Variants in TOGARAM1 observed in about 807,000 individuals in gnomAD.
The protein encoded by TOGARAM1 is TOG array regulator of axonemal microtubules protein 1.
A neutral mutation model predicts 166.6 loss-of-function variants in TOGARAM1; 100 were observed. The ratio of observed to expected loss-of-function variants is 0.60; its 90% CI spans 0.51 to 0.71. The LOEUF (loss-of-function observed/expected upper bound fraction) is 0.71, where lower values mean the gene tolerates loss of function less well. Among genes scored for constraint, TOGARAM1 ranks in the 30% least tolerant of loss-of-function variants. The pLI, the probability that TOGARAM1 is intolerant of heterozygous loss-of-function variation, is 0.00. For synonymous variants in TOGARAM1, 758 were observed against 763.8 expected, an observed-to-expected ratio of 0.99 and a Z score of 0.13; for missense variants, 2,029 against 2,102.7, an observed-to-expected ratio of 0.96 and a Z score of 0.69.
intron 1 of TOGARAM1, among the ~76,000 whole-genome samples, chr14:44,994,448 TCA>T (rs1175757148): frequency 6.6e-6 from 1 of 152,102 alleles, no homozygotes. Flanking sequence ...AGACAGGGTC[TCA>T]GTCAGTCACT....
chr14:45,064,867 A>C (rs934167922), intron 16 of TOGARAM1, among the ~76,000 whole-genome samples: 7 of 151,900 alleles, frequency 4.6e-5, no homozygotes, highest in African/African-American at 9.7e-5. Flanking sequence ...GCTTGGTATA[A>C]GATTGATTGA....
chr14:45,045,585 G>A (rs11628422), intron 13 of TOGARAM1, among the ~76,000 whole-genome samples: 3,380 of 22,860 alleles, frequency 0.15, 90 homozygotes, highest in African/African-American at 0.2. Context: ...ATATATATAT[G>A]TGTGTGTGTG....
chr14:44,972,998 C>A (rs1885972601), intron 1 of TOGARAM1, among the ~76,000 whole-genome samples: 1 of 151,972 alleles, frequency 6.6e-6, no homozygotes, highest in Admixed American at 6.6e-5. Flanking sequence ...TAAGTGAGAA[C>A]TTACTGAACT....
At position 45,043,683 on chromosome 14, in the gene TOGARAM1, T is replaced by C. The variant is rs781706002; in HGVS notation, c.3813-3T>C. 3 of 1,526,236 alleles carry C rather than the reference T, an allele frequency of 2.0e-6. No homozygotes were observed. The highest frequency in any genetic ancestry group is 1.4e-5 in the African/African-American group (1 of 73,298). The allele number at this position is 1,526,236 out of a possible 1,614,324, so 94.5% of individuals were successfully genotyped here. ...ATGATCTTGTCATTTCTTTTTCTCATAGGGAGAAGAAAATTGAGGGACTGA... is the reference window on the plus strand; with the variant it reads ...ATGATCTTGTCATTTCTTTTTCTCACAGGGAGAAGAAAATTGAGGGACTGA... On this transcript the variant is annotated splice_region_variant and splice_polypyrimidine_tract_variant and intron_variant, in intron 11 of 19. Transcript: ENST00000361462.
rs1324748476 is a variant in TOGARAM1 at position 45,009,095 on chromosome 14, A to T, written c.3087A>T (p.Gln1029His). 6.2e-7 allele frequency: 1 copy of T among 1,614,076 alleles called. No individual in the cohort carries two copies. The highest frequency in any genetic ancestry group is 8.5e-7 in the Non-Finnish European group (1 of 1,179,978). ...NSYSESGVYS[Q>H]ESLTSSLSTT... is the part of the protein sequence containing the mutation. Reference sequence around the variant, plus strand: ...ACAGTGAAAGTGGAGTTTACAGCCAAGAATCATTGACTTCTTCTCTGTCTA... The same window carrying T: ...ACAGTGAAAGTGGAGTTTACAGCCATGAATCATTGACTTCTTCTCTGTCTA... The change falls in exon 6 of 20, where the codon CAA becomes CAT. Residue 1029 changes from glutamine (Q) to histidine (H), a missense_variant. Around this residue, in one of 2 missense-constraint regions of TOGARAM1, gnomAD observed 1,453 missense variants for 1,432.2 expected, o/e 1.01. Transcript: ENST00000361462.
At chr14:45,028,552 G>A (rs1466271260) in intron 10 of TOGARAM1, among the ~76,000 whole-genome samples, 1 of 152,100 alleles carries the variant, frequency 6.6e-6, no homozygotes, top group African/African-American at 2.4e-5. Context: ...TTATCTCAAG[G>A]ATCTCTTCTA....
intron 3 of TOGARAM1, among the ~76,000 whole-genome samples, chr14:45,002,464 C>T (rs1480735655): frequency 1.3e-5 from 2 of 152,132 alleles, no homozygotes; most frequent in East Asian, 3.9e-4. Context: ...TAACTTAATA[C>T]TTGGTTATAC....
intron 14 of TOGARAM1, 126 bp downstream of exon 14, chr14:45,046,829 G>C (rs925637325): frequency 1.3e-6 from 1 of 749,372 alleles, no homozygotes; most frequent in Admixed American, 4.3e-5. Context: ...GATTGGTGCT[G>C]GGGGATGGTC....
At chr14:45,030,323 A>G (rs931959289) in intron 10 of TOGARAM1, among the ~76,000 whole-genome samples, 4 of 152,266 alleles carry the variant, frequency 2.6e-5, no homozygotes, top group Middle Eastern at 3.4e-3. Context: ...TTGTTTCATG[A>G]ACGTGGGAAT....
intron 7 of TOGARAM1, among the ~76,000 whole-genome samples, chr14:45,023,645 T>C (rs1161181246): frequency 6.6e-6 from 1 of 152,150 alleles, no homozygotes; most frequent in Non-Finnish European, 1.5e-5. Flanking sequence ...CTATTCCCAT[T>C]TTTTCTGTGA....
At chr14:44,999,254 A>C in intron 2 of TOGARAM1, 109 bp from the exon 3 acceptor site, 4 of 1,152,946 alleles carry the variant, frequency 3.5e-6, no homozygotes, top group Non-Finnish European at 4.8e-6. Context: ...GTACTTAAAC[A>C]CTTATATTTA....
At chr14:45,063,804 T>C (rs115721093) in intron 16 of TOGARAM1, among the ~76,000 whole-genome samples, 2,965 of 152,240 alleles carry the variant, frequency 0.019, 32 homozygotes, top group African/African-American at 0.039. Flanking sequence ...TGGACCAAAC[T>C]GTAGACTTGC....
chr14:45,068,511 C>T lies in TOGARAM1; in HGVS notation c.4837C>T (p.Leu1613=), dbSNP rs1305560489. The T allele has an allele frequency of 6.2e-7, 1 of 1,613,514 alleles. No individual in the cohort carries two copies. The highest frequency in any genetic ancestry group is 8.5e-7 in the Non-Finnish European group (1 of 1,179,692). The change falls in exon 18 of 20, where the codon CTA becomes TTA. Residue 1613 remains leucine (L), a synonymous_variant. Coordinates refer to ENST00000361462, the MANE Select transcript of TOGARAM1 (RefSeq NM_001308120.2). The part of the protein sequence containing the change: ...ALETMHKMIP[L]LRDHLSPIIN... ...GGAAACAATGCACAAAATGATTCCT[C>T]TACTTAGAGACCACTTATCTCCTAT... is the stretch of plus-strand genomic sequence containing the variant.
intron 13 of TOGARAM1, 108 bp from the exon 14 acceptor site, chr14:45,046,437 A>G: frequency 9.4e-7 from 1 of 1,064,964 alleles, no homozygotes; most frequent in Non-Finnish European, 1.2e-6. Context: ...CCCTGTCCCA[A>G]AAAACAAAAC....
At chr14:44,982,964 A>G (rs1886609810) in intron 1 of TOGARAM1, among the ~76,000 whole-genome samples, 1 of 152,208 alleles carries the variant, frequency 6.6e-6, no homozygotes, top group East Asian at 1.9e-4. Context: ...AAAACATTTA[A>G]GGGTTTGACA....
At chr14:45,023,844 G>C (rs1432348194) in intron 7 of TOGARAM1, among the ~76,000 whole-genome samples, 2 of 151,998 alleles carry the variant, frequency 1.3e-5, no homozygotes, top group African/African-American at 4.8e-5. Flanking sequence ...AGGTTCAAGC[G>C]ATTCTCCTGC....
In TOGARAM1 at chr14:45,006,276, C is replaced by G; in HGVS notation, c.2904+9C>G. 1 of 1,559,288 alleles carries G rather than the reference C, an allele frequency of 6.4e-7. No homozygotes were observed. The highest frequency in any genetic ancestry group is 8.7e-7 in the Non-Finnish European group (1 of 1,149,216). On this transcript the variant is annotated intron_variant, in intron 5 of 19. Transcript: ENST00000361462. ...ATTTGGATCAAGAAGAGGTTAGAACCAAATATTTTTAATGACTTAAAAATA... is the reference window on the plus strand; with the variant it reads ...ATTTGGATCAAGAAGAGGTTAGAACGAAATATTTTTAATGACTTAAAAATA...
At position 45,006,066 on chromosome 14, in the gene TOGARAM1, A is replaced by G; in HGVS notation, c.2703A>G (p.Pro901=). 1 of 1,613,458 alleles carries G rather than the reference A, an allele frequency of 6.2e-7. No homozygotes were observed. The highest frequency in any genetic ancestry group is 8.5e-7 in the Non-Finnish European group (1 of 1,179,568). The change falls in exon 5 of 20, where the codon CCA becomes CCG. Residue 901 remains proline (P), a synonymous_variant. Transcript: ENST00000361462. ...TTACACCTGCCTTGGTGAGATCGCC[A>G]TCTTCCCGACGAGGTCTAAATGGGA... ...VQLTPALVRS[P]SSRRGLNGTK...
intron 1 of TOGARAM1, among the ~76,000 whole-genome samples, chr14:44,993,581 T>C (rs369655514): frequency 6.6e-6 from 1 of 152,226 alleles, no homozygotes; most frequent in African/African-American, 2.4e-5. Context: ...TCTTTTACTC[T>C]AAACCACTTT....
Sources: gnomAD v4.1 joint callset for allele counts (sites outside exome capture counted in the v4.1 genomes callset) on GRCh38, gnomAD v4.1.1 for gene constraint, gnomAD v4.1.1 regional missense constraint, MANE v1.5 for transcripts, NCBI Gene and HGNC (gene_info 2026-07-23, HGNC 2026-07-21) for gene names.